Variants in RBMS1 observed in about 807,000 individuals in gnomAD.
RBMS1 encodes the protein RNA binding motif single stranded interacting protein 1.
RBMS1 carries 17 observed loss-of-function variants against 62.3 expected under a neutral mutation model. That is an observed-to-expected ratio of 0.27 (90% CI 0.19 to 0.41). The LOEUF (loss-of-function observed/expected upper bound fraction) is 0.41. Among genes scored for constraint, RBMS1 ranks in the 10% least tolerant of loss-of-function variants. The pLI is 1.00. For missense variants in RBMS1, 334 were observed against 504.5 expected, an observed-to-expected ratio of 0.66 and a Z score of 3.24; for synonymous variants, 172 against 170.0, an observed-to-expected ratio of 1.01 and a Z score of -0.09.
At chr2:160,428,521 G>A (rs72623127) in intron 1 of RBMS1, among the ~76,000 whole-genome samples, 36,119 of 102,132 alleles carry the variant, frequency 0.35, 4,751 homozygotes, top group Admixed American at 0.5. Flanking sequence ...AGAAGAAGAA[G>A]AAAAAAACTC....
At chr2:160,366,024 C>G (rs1693375407) in intron 2 of RBMS1, among the ~76,000 whole-genome samples, 1 of 152,098 alleles carries the variant, frequency 6.6e-6, no homozygotes. Flanking sequence ...TCAAAGTCCA[C>G]AAGGGCTGAT....
intron 2 of RBMS1, among the ~76,000 whole-genome samples, chr2:160,320,734 A>G (rs1406964880): frequency 6.6e-6 from 1 of 152,148 alleles, no homozygotes; most frequent in Non-Finnish European, 1.5e-5. Flanking sequence ...ACAAGCAGCA[A>G]GCGCTGATGC....
chr2:160,389,698 C>CAAAAAAAAAAAAAAAAAAAA (rs61570926), intron 1 of RBMS1, among the ~76,000 whole-genome samples: 1 of 50,376 alleles, frequency 2.0e-5, no homozygotes, highest in Non-Finnish European at 3.3e-5. Context: ...ACTCTTGTCT[C>CAAAAAAAAAAAAAAAAAAAA]AAAAAAAAAA....
At chr2:160,331,795 A>G (rs1021621729) in intron 2 of RBMS1, among the ~76,000 whole-genome samples, 5 of 152,198 alleles carry the variant, frequency 3.3e-5, no homozygotes, top group African/African-American at 1.2e-4. Context: ...AGGAAAGACT[A>G]TAAAGCAGGC....
At chr2:160,443,305 A>G (rs1559556677) in intron 1 of RBMS1, among the ~76,000 whole-genome samples, 1 of 152,040 alleles carries the variant, frequency 6.6e-6, no homozygotes, top group Non-Finnish European at 1.5e-5. Flanking sequence ...AACTGAAGAC[A>G]GCCTCATAGT....
intron 1 of RBMS1, among the ~76,000 whole-genome samples, chr2:160,465,423 T>C (rs1297596730): frequency 6.6e-6 from 1 of 152,218 alleles, no homozygotes; most frequent in Non-Finnish European, 1.5e-5. Context: ...CTACATTTTT[T>C]ATTCAGATTT....
At position 160,413,260 on chromosome 2, in the gene RBMS1, T is replaced by C. The variant is rs1225334643; in HGVS notation, c.76-45869A>G. On this transcript the variant is annotated intron_variant, in intron 1 of 13. Transcript: ENST00000348849. ...ACACTGTATAGGTTAGTATATGCAG[T>C]TCACACCAAAAAAAACCTATTTACT... Among the ~76,000 whole-genome samples the C allele has an allele frequency of 1.3e-5, 2 of 152,076 alleles. 1 individual carries two copies. Among genetic ancestry groups the C allele is most frequent in the Middle Eastern group, 6.3e-3 (2 of 316 alleles).
chr2:160,469,612 C>G (rs970753959), intron 1 of RBMS1, among the ~76,000 whole-genome samples: 4 of 152,212 alleles, frequency 2.6e-5, no homozygotes, highest in African/African-American at 9.6e-5. Flanking sequence ...TTCAGGGAGT[C>G]ACTACCCTCA....
chr2:160,300,908 T>TA (rs1689174768), intron 5 of RBMS1, among the ~76,000 whole-genome samples, 178 bp from the exon 6 acceptor site: 1 of 152,192 alleles, frequency 6.6e-6, no homozygotes, highest in Non-Finnish European at 1.5e-5. Context: ...TGTACTTCTA[T>TA]AGTAAAATGA....
chr2:160,468,426 A>G (rs531921670), intron 1 of RBMS1, among the ~76,000 whole-genome samples: 1 of 152,306 alleles, frequency 6.6e-6, no homozygotes, highest in Admixed American at 6.5e-5. Context: ...AGACAGGTAA[A>G]TGCACCCTGC....
At chr2:160,433,906 G>T (rs889320132) in intron 1 of RBMS1, among the ~76,000 whole-genome samples, 1 of 152,184 alleles carries the variant, frequency 6.6e-6, no homozygotes, top group African/African-American at 2.4e-5. Context: ...ACTGAACTGC[G>T]CTTCCTCTTA....
chr2:160,359,052 T>C (rs929312740), intron 2 of RBMS1, among the ~76,000 whole-genome samples: 4 of 152,180 alleles, frequency 2.6e-5, no homozygotes, highest in Non-Finnish European at 5.9e-5. Flanking sequence ...AAAAATCATC[T>C]GTGGATATTT....
At chr2:160,489,936 A>G (rs7569522) in intron 1 of RBMS1, among the ~76,000 whole-genome samples, 81,751 of 151,838 alleles carry the variant, frequency 0.54, 22,287 homozygotes, top group East Asian at 0.69. Context: ...AAGAAACAGA[A>G]TATTTCAATC....
At chr2:160,411,831 C>T (rs973492163) in intron 1 of RBMS1, among the ~76,000 whole-genome samples, 1 of 152,158 alleles carries the variant, frequency 6.6e-6, no homozygotes, top group Non-Finnish European at 1.5e-5. Flanking sequence ...AGCAAGGGTA[C>T]AGCAGGAATT....
chr2:160,464,177 A>G (rs1684584595), intron 1 of RBMS1, among the ~76,000 whole-genome samples: 1 of 138,554 alleles, frequency 7.2e-6, no homozygotes, highest in African/African-American at 2.7e-5. Context: ...TTTACCACAC[A>G]TGCATACAGA....
At chr2:160,285,918 C>T (rs1428086514) in intron 7 of RBMS1, among the ~76,000 whole-genome samples, 2 of 151,266 alleles carry the variant, frequency 1.3e-5, no homozygotes, top group South Asian at 2.1e-4. Context: ...GAGACCATCC[C>T]GACTAACACG....
intron 1 of RBMS1, among the ~76,000 whole-genome samples, chr2:160,438,894 TCC>T: frequency 1.1e-5 from 1 of 92,144 alleles, no homozygotes; most frequent in Non-Finnish European, 2.2e-5. Flanking sequence ...GGGGGCTGAC[TCC>T]CCCCACCTCC....
intron 3 of RBMS1, among the ~76,000 whole-genome samples, chr2:160,314,869 C>T (rs1690124740): frequency 6.6e-6 from 1 of 152,222 alleles, no homozygotes; most frequent in African/African-American, 2.4e-5. Flanking sequence ...CATCTGTTGT[C>T]CATGCTAACA....
intron 1 of RBMS1, among the ~76,000 whole-genome samples, chr2:160,370,330 G>A (rs1693654286): frequency 6.6e-6 from 1 of 152,164 alleles, no homozygotes; most frequent in Non-Finnish European, 1.5e-5. Context: ...CCAAGATTAC[G>A]TTTTTAGAAG....
Sources: gnomAD v4.1 joint callset for allele counts (sites outside exome capture counted in the v4.1 genomes callset) on GRCh38, gnomAD v4.1.1 for gene constraint, MANE v1.5 for transcripts, NCBI Gene and HGNC (gene_info 2026-07-23, HGNC 2026-07-21) for gene names.